BTBD19: variants seen among roughly 807,000 people sequenced by gnomAD.
The protein encoded by BTBD19 is BTB/POZ domain-containing protein 19.
A neutral mutation model predicts 36.1 loss-of-function variants in BTBD19; 20 were observed. The ratio of observed to expected loss-of-function variants is 0.55; its 90% confidence interval spans 0.39 to 0.80. BTBD19 has a LOEUF of 0.80. BTBD19 is among the 30% of genes least tolerant of loss of function. BTBD19 has a pLI of 0.00. For synonymous variants in BTBD19, 157 were observed against 174.3 expected (o/e 0.90, Z 0.78); for missense variants, 325 against 389.8 (o/e 0.83, Z 1.40).
Position 44,810,746 on chromosome 1 carries a change from G to C in BTBD19, c.354+139G>C. ...AAGTATGTATATCTCTCCCAAGTAA[G>C]TAGGGCATGTATGTGTGCCTGTGTG... On this transcript the variant is annotated intron_variant, in intron 3 of 7. Transcript: ENST00000450269. This position sits in a 1 kb window ranked among gnomAD's most constrained non-coding sequence, Gnocchi z 4.2. 1 of 764,886 alleles carries C rather than the reference G, an allele frequency of 1.3e-6. No homozygotes were observed. The highest frequency in any genetic ancestry group is 1.9e-6 in the Non-Finnish European group (1 of 513,164). 47.4% of individuals were successfully genotyped at this position (764,886 alleles called of 1,614,324 possible). A position where few individuals can be genotyped will look rare whatever the true frequency, so the allele number is the denominator to read the frequency against.
intron 4 of BTBD19, 138 bp downstream of exon 4, chr1:44,812,236 A>T: frequency 1.7e-6 from 1 of 574,200 alleles, no homozygotes; most frequent in Non-Finnish European, 3.1e-6. Context: ...TGCTCCAAGG[A>T]TGTTTATAGG....
In BTBD19 at chr1:44,813,769, A is replaced by G. The variant is rs776944820; in HGVS notation, c.873A>G (p.Lys291=). ...ACCGCTTTCTGGACCTGTCCTTCAA[A>G]TGATCCAACGCCGGGACTCGCAGGG... Residue 291 remains lysine, a synonymous_variant, in exon 8 of 8, where the codon AAA becomes AAG. Coordinates refer to ENST00000450269, the Ensembl canonical transcript of BTBD19. This position sits in a 1 kb window ranked among gnomAD's most constrained non-coding sequence, Gnocchi z 7.8. 90 of 1,551,174 alleles carry G rather than the reference A, an allele frequency of 5.8e-5. No individual in the cohort carries two copies. The highest frequency in any genetic ancestry group is 7.6e-5 in the Non-Finnish European group (87 of 1,146,814).
Position 44,808,552 on chromosome 1 carries a change from CA to C in BTBD19, c.-268del, listed in dbSNP as rs1652242008. On this transcript the variant is annotated 5_prime_UTR_variant, in exon 1 of 8. Coordinates refer to ENST00000450269, the Ensembl canonical transcript of BTBD19. ...CCTCTTTCGCCGCCGCCGCCGCCGC[CA>C]GCCAGCCAGCTTCTTCCCAGGACCA... is the stretch of plus-strand genomic sequence containing the variant. 3 of 332,780 alleles carry C rather than the reference CA, an allele frequency of 9.0e-6. No individual in the cohort carries two copies. In the South Asian group the frequency reaches 2.5e-4, roughly 27 times the overall value. 20.6% of individuals were successfully genotyped at this position (332,780 alleles called of 1,614,324 possible).
At chr1:44,811,967 T>G (rs1195303678) in intron 3 of BTBD19, 72 bp from the exon 4 acceptor site, 1 of 1,199,968 alleles carries the variant, frequency 8.3e-7, no homozygotes, top group Non-Finnish European at 1.1e-6. Context: ...GCCTGCTCAC[T>G]GCTTCTGGGG....
rs952943025 is a variant in BTBD19 at position 44,813,113 on chromosome 1, C to T, written c.484-25C>T. 1.3e-6 allele frequency: 2 copies of T among 1,543,060 alleles called. No homozygotes were observed. The highest frequency in any genetic ancestry group is 2.5e-5 in the East Asian group (1 of 40,718). On this transcript the variant is annotated intron_variant, in intron 5 of 7. Transcript: ENST00000450269. This position sits in a 1 kb window ranked among gnomAD's most constrained non-coding sequence, Gnocchi z 7.8. ...ACCCTACGCACCGCATTCTGCTCCT[C>T]CCTGACCCATTTGCCGGCTCGCAGG...
intron 4 of BTBD19, chr1:44,812,620 C>T: frequency 1.0e-5 from 4 of 395,618 alleles, no homozygotes; most frequent in South Asian, 7.8e-5. Context: ...TCGCTTGAAC[C>T]CGGGAGGCAG....
intron 3 of BTBD19, among the ~76,000 whole-genome samples, chr1:44,811,278 T>C (rs942694174): frequency 6.6e-6 from 1 of 150,608 alleles, no homozygotes; most frequent in Non-Finnish European, 1.5e-5. Context: ...GCCGAGACTG[T>C]ATGGGGGGAC....
At position 44,813,401 on chromosome 1, in the gene BTBD19, G is replaced by A. The variant is rs572964170; in HGVS notation, c.643G>A (p.Val215Met). The change falls in exon 7 of 8, where the codon GTG becomes ATG. Residue 215 changes from valine (V) to methionine (M), a missense_variant. Transcript: ENST00000450269. This position sits in a 1 kb window ranked among gnomAD's most constrained non-coding sequence, Gnocchi z 7.8. ...GGTGCTGGAGCGGCCGGTGGCTGAG[G>A]TGGCGGCCCCGGTGGTGAAAGAGCT... 7.7e-6 allele frequency: 12 copies of A among 1,548,744 alleles called. No individual in the cohort carries two copies. Among genetic ancestry groups the A allele is most frequent in the Non-Finnish European group, 7.8e-6 (9 of 1,146,718 alleles).
chr1:44,810,387 GT>G lies in BTBD19; in HGVS notation c.263del (p.Phe88SerfsTer18). On this transcript the variant is annotated frameshift_variant, in exon 2 of 8. Coordinates refer to ENST00000450269, the Ensembl canonical transcript of BTBD19. LOFTEE classifies it high-confidence loss of function. The surrounding 1 kb of genome is among the most constrained non-coding windows in gnomAD (Gnocchi z 4.2). ...CTGAGGCCTTCCTGGCAGTGCTGGA[GT>G]TCCTATATACCAACAGTGTCAAGCT... 1.9e-6 allele frequency: 3 copies of G among 1,551,692 alleles called. No homozygotes were observed. Among genetic ancestry groups the G allele is most frequent in the Non-Finnish European group, 2.6e-6 (3 of 1,146,994 alleles).
rs1170190686 is a variant in BTBD19 at position 44,813,007 on chromosome 1, C to T, written c.426C>T (p.Thr142=). 13 of 1,551,102 alleles carry T rather than the reference C, an allele frequency of 8.4e-6. No individual in the cohort carries two copies. The highest frequency in any genetic ancestry group is 1.7e-4 in the Middle Eastern group (1 of 6,012). The change falls in exon 5 of 8, where the codon ACC becomes ACT. Residue 142 remains threonine (T), a synonymous_variant. Coordinates refer to ENST00000450269, the Ensembl canonical transcript of BTBD19. The surrounding 1 kb of genome is among the most constrained non-coding windows in gnomAD (Gnocchi z 7.8). ...CATTCTGCTCGCAGGTGGCCGTAAC[C>T]TTTGGCCTGGGGCAGCTGCAGGAGC... is the stretch of plus-strand genomic sequence containing the variant.
Position 44,813,737 on chromosome 1 carries a change from G to T in BTBD19, c.841G>T (p.Glu281Ter). 1 of 1,551,528 alleles carries T rather than the reference G, an allele frequency of 6.4e-7. No individual in the cohort carries two copies. Among genetic ancestry groups the T allele is most frequent in the Admixed American group, 2.0e-5 (1 of 51,020 alleles). The change falls in exon 8 of 8, where the codon GAG becomes TAG. Residue 281 changes from glutamate (E) to a stop codon, truncating the protein, a stop_gained. Transcript: ENST00000450269. LOFTEE classifies it high-confidence loss of function. This position sits in a 1 kb window ranked among gnomAD's most constrained non-coding sequence, Gnocchi z 7.8. ...CCGCCGGAGAGGCACCCTGCCCCGG[G>T]AGCATCACCGCTTTCTGGACCTGTC...
chr1:44,811,341 T>C (rs746082447), intron 3 of BTBD19, among the ~76,000 whole-genome samples: 46 of 152,058 alleles, frequency 3.0e-4, no homozygotes, highest in Non-Finnish European at 5.6e-4. Context: ...GAGGAAACAT[T>C]TGTGTTCGAT....
chr1:44,811,408 C>T (rs904127323), intron 3 of BTBD19, among the ~76,000 whole-genome samples: 2 of 152,056 alleles, frequency 1.3e-5, no homozygotes, highest in Non-Finnish European at 2.9e-5. Context: ...GTATTCTAGT[C>T]ACAGAGGCAC....
At position 44,813,246 on chromosome 1, in the gene BTBD19, C is replaced by G. The variant is rs866938556; in HGVS notation, c.592C>G (p.Arg198Gly). ...CGAGGCTGAACTGGTCCGCGCGGCC[C>G]GAAGCTGGGCGCGCGTGGGCGCGGT... Residue 198 changes from arginine (R) to glycine (G), a missense_variant, in exon 6 of 8, where the codon CGA (arginine) becomes GGA (glycine). Coordinates refer to ENST00000450269, the Ensembl canonical transcript of BTBD19. The surrounding 1 kb of genome is among the most constrained non-coding windows in gnomAD (Gnocchi z 7.8). 1.3e-6 allele frequency: 2 copies of G among 1,537,766 alleles called. No homozygotes were observed. The highest frequency in any genetic ancestry group is 2.4e-5 in the South Asian group (2 of 83,806).
chr1:44,813,346 G>C lies in BTBD19; in HGVS notation c.616-28G>C. 1 of 1,542,788 alleles carries C rather than the reference G, an allele frequency of 6.5e-7. No individual in the cohort carries two copies. The highest frequency in any genetic ancestry group is 8.7e-7 in the Non-Finnish European group (1 of 1,146,404). ...GACTGGTGAGCGGGCGGCAGGACAG[G>C]TGCCCGACTCAGGGCTGGCGTTTGC... On this transcript the variant is annotated intron_variant, in intron 6 of 7. Transcript: ENST00000450269. The surrounding 1 kb of genome is among the most constrained non-coding windows in gnomAD (Gnocchi z 7.8).
At chr1:44,809,333 C>T (rs1254041808) in intron 1 of BTBD19, among the ~76,000 whole-genome samples, 1 of 152,192 alleles carries the variant, frequency 6.6e-6, no homozygotes, top group African/African-American at 2.4e-5. Context: ...GAACAAAGCT[C>T]CAGAGATTGA....
In BTBD19 at chr1:44,810,225, C is replaced by T. The variant is rs1405533408; in HGVS notation, c.99C>T (p.Phe33=). Residue 33 remains phenylalanine (F), a synonymous_variant, in exon 2 of 8, where the codon TTC becomes TTT. Transcript: ENST00000450269. The surrounding 1 kb of genome is among the most constrained non-coding windows in gnomAD (Gnocchi z 4.2). ...CTGTCTCCCACAGTGATGTTTGCTTCGTGGTTGGTCAAGAACGGCAGGAGG... is the reference window on the plus strand; with the variant it reads ...CTGTCTCCCACAGTGATGTTTGCTTTGTGGTTGGTCAAGAACGGCAGGAGG... 5.8e-6 allele frequency: 9 copies of T among 1,551,688 alleles called. No homozygotes were observed. The highest frequency in any genetic ancestry group is 3.9e-5 in the Admixed American group (2 of 50,992).
exon 1 of BTBD19, chr1:44,808,535 G>A (rs577318154): frequency 5.7e-5 from 16 of 282,600 alleles, no homozygotes; most frequent in Admixed American, 1.0e-4. Flanking sequence ...GGCCTCTTTC[G>A]CCGCCGCCGC....
chr1:44,809,938 TCTC>T (rs144781801), intron 1 of BTBD19, among the ~76,000 whole-genome samples: 39,864 of 151,952 alleles, frequency 0.26, 6,432 homozygotes, highest in African/African-American at 0.46. Context: ...AGCATAGTCA[TCTC>T]CTCTGAGACC....
Sources: allele counts gnomAD v4.1 joint callset (sites outside exome capture counted in the v4.1 genomes callset), GRCh38; gene constraint gnomAD v4.1.1; non-coding constraint Gnocchi (gnomAD v3.1); transcripts MANE v1.5; gene names NCBI Gene and HGNC (gene_info 2026-07-23, HGNC 2026-07-21).